Variants in ECHS1 observed in about 807,000 individuals in gnomAD.
The protein encoded by ECHS1 is enoyl-CoA hydratase, mitochondrial.
ECHS1 carries 19 observed loss-of-function variants against 33.5 expected under a neutral mutation model. The observed-to-expected ratio is 0.57, with a 90% CI of 0.40 to 0.83. ECHS1 has a LOEUF of 0.83. Ranked by LOEUF, ECHS1 falls within the 40% of genes least tolerant of loss-of-function variation. ECHS1 has a pLI of 0.00. For synonymous variants in ECHS1, 158 were observed against 146.6 expected, an observed-to-expected ratio of 1.08 and a Z score of -0.56; for missense variants, 365 against 381.3, an observed-to-expected ratio of 0.96 and a Z score of 0.36.
chr10:133,366,133 C>T, intron 5 of ECHS1, 38 bp from the exon 6 acceptor site: 3 of 1,605,576 alleles, frequency 1.9e-6, no homozygotes, highest in Non-Finnish European at 2.5e-6. Flanking sequence ...TGTGCAGAAA[C>T]AGCACTTGTC....
At chr10:133,372,381 G>A (rs936051719) in intron 1 of ECHS1, among the ~76,000 whole-genome samples, 4 of 152,232 alleles carry the variant, frequency 2.6e-5, no homozygotes, top group Non-Finnish European at 5.9e-5. Context: ...CACGAGGGAG[G>A]AAGAGGGCAG....
chr10:133,366,919 G>A lies in ECHS1; in HGVS notation c.589C>T (p.Arg197Trp), dbSNP rs751581356. 2.7e-5 allele frequency: 43 copies of A among 1,612,306 alleles called. No individual in the cohort carries two copies. Among genetic ancestry groups the A allele is most frequent in the Middle Eastern group, 1.7e-4 (1 of 6,044 alleles). ...LAMEMVLTGD[R>W]ISAQDAKQAG... Reference sequence around the variant, plus strand: ...TGCTTGGCGTCCTGGGCTGAGATCCGGTCACCAGTGAGGACCATCTCCATC... The same window carrying A: ...TGCTTGGCGTCCTGGGCTGAGATCCAGTCACCAGTGAGGACCATCTCCATC... The change falls in exon 5 of 8, where the codon CGG (arginine) becomes TGG (tryptophan). Residue 197 changes from arginine (R) to tryptophan (W), a missense_variant. By Grantham distance (101) the Arg-to-Trp change is moderately radical. Coordinates refer to ENST00000368547, the MANE Select transcript of ECHS1 (RefSeq NM_004092.4).
At chr10:133,368,262 T>C (rs1849057868) in intron 4 of ECHS1, among the ~76,000 whole-genome samples, 1 of 152,162 alleles carries the variant, frequency 6.6e-6, no homozygotes. Context: ...CCCCAGGCAC[T>C]GGTCCCTTAT....
At chr10:133,362,961 C>A in intron 7 of ECHS1, 28 bp from the exon 8 acceptor site, 1 of 1,612,936 alleles carries the variant, frequency 6.2e-7, no homozygotes, top group Non-Finnish European at 8.5e-7. Flanking sequence ...AGAAACAGAG[C>A]TGGACGCGCA....
At chr10:133,369,564 A>G (rs1849077059) in intron 3 of ECHS1, among the ~76,000 whole-genome samples, 1 of 152,172 alleles carries the variant, frequency 6.6e-6, no homozygotes, top group Non-Finnish European at 1.5e-5. Flanking sequence ...CTATAGGCCA[A>G]GATCAGTCTC....
At position 133,362,507 on chromosome 10, in the gene ECHS1, A is replaced by G. The variant is rs916232257; in HGVS notation, c.*361T>C. The G allele has an allele frequency of 3.2e-6, 1 of 308,478 alleles. No individual in the cohort carries two copies. Among genetic ancestry groups the G allele is most frequent in the African/African-American group, 2.1e-5 (1 of 46,918 alleles). 19.1% of individuals were successfully genotyped at this position (308,478 alleles called of 1,614,324 possible). ...GTGTAATCTGAATCGCTATCACTTT[A>G]ATCAGCATCTGTATGAAGGCAGCAG... On this transcript the variant is annotated 3_prime_UTR_variant, in exon 8 of 8. Transcript: ENST00000368547.
At position 133,362,868 on chromosome 10, in the gene ECHS1, T is replaced by G. The variant is rs1360895702; in HGVS notation, c.873A>C (p.Ter291CysextTer21). 1 of 1,614,056 alleles carries G rather than the reference T, an allele frequency of 6.2e-7. No homozygotes were observed. Among genetic ancestry groups the G allele is most frequent in the Non-Finnish European group, 8.5e-7 (1 of 1,180,026 alleles). ...EKRKANFKDQ[*>C] The stretch of plus-strand genomic sequence containing the variant: ...GGTGTGAAGCAGGGGCAGCTGGTTC[T>G]CACTGGTCTTTGAAGTTGGCCTTTC... The change falls in exon 8 of 8, where the codon TGA (stop) becomes TGC (cysteine). Residue 291 changes from the stop codon to cysteine (C), a stop_lost. Coordinates refer to ENST00000368547, the MANE Select transcript of ECHS1 (RefSeq NM_004092.4).
At chr10:133,367,577 T>A (rs1849049878) in intron 4 of ECHS1, among the ~76,000 whole-genome samples, 1 of 150,724 alleles carries the variant, frequency 6.6e-6, no homozygotes, top group South Asian at 2.1e-4. Context: ...TGAAAGGGAG[T>A]CTCCTTTCCT....
At chr10:133,362,973 T>G in intron 7 of ECHS1, 40 bp from the exon 8 acceptor site, 1 of 1,607,204 alleles carries the variant, frequency 6.2e-7, no homozygotes, top group Middle Eastern at 1.7e-4. Flanking sequence ...GGACGCGCAG[T>G]ATCCTCACAG....
At position 133,364,754 on chromosome 10, in the gene ECHS1, C is replaced by T. The variant is rs375647583; in HGVS notation, c.740-29G>A. On this transcript the variant is annotated intron_variant, in intron 6 of 7. Coordinates refer to ENST00000368547, the MANE Select transcript of ECHS1 (RefSeq NM_004092.4). The stretch of plus-strand genomic sequence containing the variant: ...AAAAACAAAGTCCCAGAGTTATGAA[C>T]GGAGATATTACATGCAGAACTTTTC... The T allele has an allele frequency of 1.2e-4, 194 of 1,581,064 alleles. No individual in the cohort carries two copies. In the East Asian group the frequency reaches 2.1e-3, roughly 17 times the overall value.
Position 133,362,888 on chromosome 10 carries a change from CCTTT to C in ECHS1, c.849_852del (p.Lys284ProfsTer31), listed in dbSNP as rs1414662857. ...GGTTCTCACTGGTCTTTGAAGTTGG[CCTTT>C]CTCTTTTCCACAAACGCGGTCATCC... On this transcript the variant is annotated frameshift_variant, in exon 8 of 8. Coordinates refer to ENST00000368547, the MANE Select transcript of ECHS1 (RefSeq NM_004092.4). LOFTEE classifies it high-confidence loss of function. 2 of 1,614,176 alleles carry C rather than the reference CCTTT, an allele frequency of 1.2e-6. No individual in the cohort carries two copies. Among genetic ancestry groups the C allele is most frequent in the South Asian group, 1.1e-5 (1 of 91,082 alleles).
Position 133,369,026 on chromosome 10 carries a change from T to C in ECHS1, c.415-4A>G. 1 of 1,613,342 alleles carries C rather than the reference T, an allele frequency of 6.2e-7. No individual in the cohort carries two copies. On this transcript the variant is annotated splice_polypyrimidine_tract_variant and splice_region_variant and intron_variant, in intron 3 of 7. Coordinates refer to ENST00000368547, the MANE Select transcript of ECHS1 (RefSeq NM_004092.4). ...CAAGCTCACAGCCCCCGCCAAACTG[T>C]AAAACATTCGGCATCAGGAGAGTCT...
intron 1 of ECHS1, among the ~76,000 whole-genome samples, chr10:133,372,648 C>G: frequency 6.7e-6 from 1 of 149,150 alleles, no homozygotes; most frequent in East Asian, 2.1e-4. Flanking sequence ...AGGACGTGGC[C>G]TGGTGAGAGT....
At chr10:133,364,865 G>A in intron 6 of ECHS1, 140 bp from the exon 7 acceptor site, 1 of 658,194 alleles carries the variant, frequency 1.5e-6, no homozygotes, top group Non-Finnish European at 2.7e-6. Context: ...CTTCCATGGT[G>A]CCGCCCTTCT....
chr10:133,368,650 A>C lies in ECHS1; in HGVS notation c.514+273T>G, dbSNP rs192303534. On this transcript the variant is annotated intron_variant, in intron 4 of 7. Coordinates refer to ENST00000368547, the MANE Select transcript of ECHS1 (RefSeq NM_004092.4). ...GCCATGGACACGAATCACAAGCAAG[A>C]ACTGTCATGGTTAGAAGCCAGCGTT... Among the ~76,000 whole-genome samples the C allele has an allele frequency of 9.2e-5, 14 of 152,244 alleles. No individual in the cohort carries two copies. The East Asian group carries it at 2.7e-3, about 29-fold the overall frequency.
intron 1 of ECHS1, 100 bp downstream of exon 1, chr10:133,373,146 C>A (rs1419206040): frequency 1.0e-5 from 8 of 799,374 alleles, no homozygotes; most frequent in Non-Finnish European, 1.3e-5. Context: ...GTGGGGGATG[C>A]GGGGTCAGGT....
intron 1 of ECHS1, chr10:133,371,516 G>C (rs1849108181): frequency 6.5e-6 from 1 of 154,572 alleles, no homozygotes. Flanking sequence ...CTGGCCAACT[G>C]GACGCAGGGT....
intron 7 of ECHS1, among the ~76,000 whole-genome samples, chr10:133,364,255 A>T (rs1173815815): frequency 1.3e-5 from 2 of 152,108 alleles, no homozygotes; most frequent in African/African-American, 4.8e-5. Flanking sequence ...CATTTTTTAA[A>T]AAAGTCTTTT....
intron 1 of ECHS1, among the ~76,000 whole-genome samples, chr10:133,372,374 G>A (rs537993285): frequency 2.6e-5 from 4 of 152,358 alleles, no homozygotes; most frequent in East Asian, 3.9e-4. Flanking sequence ...GGTGAGCCAC[G>A]AGGGAGGAAG....
Sources: allele counts gnomAD v4.1 joint callset (sites outside exome capture counted in the v4.1 genomes callset), GRCh38; gene constraint gnomAD v4.1.1; transcripts MANE v1.5; gene names NCBI Gene and HGNC (gene_info 2026-07-23, HGNC 2026-07-21).